The following TBCD variants were observed in gnomAD, a reference collection of about 807,000 sequenced individuals.
TBCD encodes tubulin-specific chaperone D.
A neutral mutation model predicts 169.3 loss-of-function variants in TBCD; 105 were observed. The observed-to-expected ratio is 0.62, with a 90% CI of 0.53 to 0.73. The LOEUF (loss-of-function observed/expected upper bound fraction) is 0.73. Ranked by LOEUF, TBCD falls within the 30% of genes least tolerant of loss-of-function variation. The pLI, the probability that TBCD is intolerant of heterozygous loss-of-function variation, is 0.00. For synonymous variants in TBCD, 700 were observed against 643.9 expected, an observed-to-expected ratio of 1.09 and a Z score of -1.32; for missense variants, 1,444 against 1,600.1, an observed-to-expected ratio of 0.90 and a Z score of 1.66.
At chr17:82,756,723 CT>C (rs1196843992) in intron 2 of TBCD, among the ~76,000 whole-genome samples, 1 of 152,214 alleles carries the variant, frequency 6.6e-6, no homozygotes, top group African/African-American at 2.4e-5. Flanking sequence ...CGTGATCCGC[CT>C]GCCTCGGCCT....
intron 2 of TBCD, among the ~76,000 whole-genome samples, chr17:82,757,443 A>T (rs1219315163): frequency 1.3e-5 from 2 of 152,030 alleles, no homozygotes; most frequent in Non-Finnish European, 2.9e-5. Context: ...TAACACGATG[A>T]AACCCTGTCT....
At chr17:82,942,182 A>AG in intron 38 of TBCD, 1 of 550,704 alleles carries the variant, frequency 1.8e-6, no homozygotes, top group Non-Finnish European at 3.2e-6. Context: ...ATTAGGAAAA[A>AG]TTTCAAACGT....
intron 4 of TBCD, 127 bp from the exon 5 acceptor site, chr17:82,768,293 G>T: frequency 1.7e-6 from 2 of 1,152,146 alleles, no homozygotes; most frequent in South Asian, 2.9e-5. Flanking sequence ...GGCCCTGAGG[G>T]TGATGGCATT....
chr17:82,876,424 CAG>C (rs1024211548), intron 14 of TBCD, among the ~76,000 whole-genome samples: 11 of 152,226 alleles, frequency 7.2e-5, no homozygotes, highest in South Asian at 2.1e-4. Flanking sequence ...GTGACTCACT[CAG>C]GGTGTTCCTG....
Position 82,890,746 on chromosome 17 carries a change from T to C in TBCD, c.1563+1049T>C, listed in dbSNP as rs2059074890. Among the ~76,000 whole-genome samples, 1 of 152,172 alleles carries C rather than the reference T, an allele frequency of 6.6e-6. No homozygotes were observed. The highest frequency in any genetic ancestry group is 1.5e-5 in the Non-Finnish European group (1 of 68,014). On this transcript the variant is annotated intron_variant, in intron 16 of 38. Coordinates refer to ENST00000355528, the MANE Select transcript of TBCD (RefSeq NM_005993.5). This position sits in a 1 kb window ranked among gnomAD's most constrained non-coding sequence, Gnocchi z 5.3. ...CTTGGGGTGCCGTGGGGCCTGCATG[T>C]GTTCAGAGCCCTGAGCCCTGGTCGG...
chr17:82,809,748 G>A lies in TBCD; in HGVS notation c.1189G>A (p.Asp397Asn), dbSNP rs2051289607. The change falls in exon 12 of 39, where the codon GAT becomes AAT. Residue 397 changes from aspartate to asparagine, a missense_variant. Asp to Asn is a conservative substitution (Grantham distance 23). Transcript: ENST00000355528. Reference protein sequence around the residue: ...MAGRLPRALADDVVGSVLDCF... With the variant: ...MAGRLPRALANDVVGSVLDCF... ...TGGCAGGCTTCCCAGAGCCCTGGCG[G>A]ATGATGTGGTCGGGTCTGTGCTGGA... 1 of 1,613,708 alleles carries A rather than the reference G, an allele frequency of 6.2e-7. No individual in the cohort carries two copies. The highest frequency in any genetic ancestry group is 1.1e-5 in the South Asian group (1 of 91,018).
chr17:82,834,601 A>T (rs1394510683), intron 13 of TBCD, among the ~76,000 whole-genome samples: 1 of 152,118 alleles, frequency 6.6e-6, no homozygotes, highest in Non-Finnish European at 1.5e-5. Flanking sequence ...CAGCATCCTC[A>T]GCAAACTAAC....
intron 23 of TBCD, 108 bp downstream of exon 23, chr17:82,911,897 G>T (rs1298580021): frequency 1.1e-5 from 13 of 1,185,546 alleles, no homozygotes; most frequent in African/African-American, 7.6e-5. Flanking sequence ...AGGGTGAAGG[G>T]CTGGGTGTGT....
chr17:82,822,792 A>G (rs898236822), intron 13 of TBCD, among the ~76,000 whole-genome samples: 1 of 152,216 alleles, frequency 6.6e-6, no homozygotes, highest in Non-Finnish European at 1.5e-5. Flanking sequence ...AGAGAGTGAG[A>G]TAGTAAGGTC....
intron 9 of TBCD, among the ~76,000 whole-genome samples, chr17:82,805,063 G>A (rs2050854970): frequency 6.6e-6 from 1 of 152,262 alleles, no homozygotes; most frequent in Admixed American, 6.5e-5. Flanking sequence ...GGGAAGCAGG[G>A]CCCACAGCCA....
At chr17:82,754,010 G>A (rs1273724069) in intron 1 of TBCD, among the ~76,000 whole-genome samples, 1 of 151,632 alleles carries the variant, frequency 6.6e-6, no homozygotes, top group East Asian at 1.9e-4. Flanking sequence ...CCGAGTAGCT[G>A]GGACTACAGG....
At chr17:82,846,307 T>G (rs8069046) in intron 13 of TBCD, among the ~76,000 whole-genome samples, 9 of 89,688 alleles carry the variant, frequency 1.0e-4, no homozygotes, top group African/African-American at 3.1e-4. Context: ...CCCCTCCACG[T>G]GCTGCGTCCA....
chr17:82,919,824 G>A (rs1177827234), intron 23 of TBCD, among the ~76,000 whole-genome samples: 1 of 152,178 alleles, frequency 6.6e-6, no homozygotes, highest in Non-Finnish European at 1.5e-5. Flanking sequence ...GTGCAGGGAC[G>A]CCAGGTGGAC....
At chr17:82,882,649 G>A (rs534757475) in intron 14 of TBCD, among the ~76,000 whole-genome samples, 4 of 152,192 alleles carry the variant, frequency 2.6e-5, no homozygotes, top group Admixed American at 2.6e-4. Context: ...GACAGTGCGA[G>A]ATGCAGGAAA....
At chr17:82,830,025 GAAGC>G (rs1212322982) in intron 13 of TBCD, 1 of 1,492,626 alleles carries the variant, frequency 6.7e-7, no homozygotes, top group African/African-American at 1.4e-5. Context: ...GTTTTTTTGA[GAAGC>G]AGCAGCTGCA....
chr17:82,850,113 CTGCTGTTGGCTGTGT>C (rs1267596375), intron 13 of TBCD, among the ~76,000 whole-genome samples: 3 of 87,026 alleles, frequency 3.4e-5, no homozygotes, highest in African/African-American at 1.7e-4. Flanking sequence ...GTTGGCTGTG[CTGCTGTTGGCTGTGT>C]TGTTGTTGGC....
Position 82,880,100 on chromosome 17 carries a change from C to G in TBCD, c.1476-4045C>G, listed in dbSNP as rs1367628236. Among the ~76,000 whole-genome samples, 1 of 152,146 alleles carries G rather than the reference C, an allele frequency of 6.6e-6. No individual in the cohort carries two copies. Among genetic ancestry groups the G allele is most frequent in the African/African-American group, 2.4e-5 (1 of 41,418 alleles). On this transcript the variant is annotated intron_variant, in intron 14 of 38. Transcript: ENST00000355528. The surrounding 1 kb of genome is among the most constrained non-coding windows in gnomAD (Gnocchi z 5.0). ...ACGTCTCGCTTCATCCTTCACGTAC[C>G]CTATGCCTGTGGTCCTTTCTTCTGC...
chr17:82,867,706 C>T (rs991347361), intron 13 of TBCD, among the ~76,000 whole-genome samples: 10 of 152,198 alleles, frequency 6.6e-5, no homozygotes, highest in African/African-American at 2.2e-4. Context: ...GTCTCACAGC[C>T]GCCTTCTTGT....
chr17:82,939,923 T>C (rs1427838824), intron 37 of TBCD, among the ~76,000 whole-genome samples: 1 of 152,166 alleles, frequency 6.6e-6, no homozygotes, highest in African/African-American at 2.4e-5. Context: ...TCCACCCCCT[T>C]CCTCAGGGCC....
Sources: allele counts gnomAD v4.1 joint callset (sites outside exome capture counted in the v4.1 genomes callset), GRCh38; gene constraint gnomAD v4.1.1; non-coding constraint Gnocchi (gnomAD v3.1); transcripts MANE v1.5; gene names NCBI Gene and HGNC (gene_info 2026-07-23, HGNC 2026-07-21).